CACNB1: variants seen among roughly 807,000 people sequenced by gnomAD.
The protein encoded by CACNB1 is voltage-dependent L-type calcium channel subunit beta-1.
Under a neutral mutation model 71.6 loss-of-function variants are expected in CACNB1, and 29 were observed. That is an observed-to-expected ratio of 0.40 (90% CI 0.30 to 0.55). The LOEUF (loss-of-function observed/expected upper bound fraction) is 0.55. Ranked by LOEUF, CACNB1 falls within the 20% of genes least tolerant of loss-of-function variation. The pLI is 0.38. For missense variants in CACNB1, 623 were observed against 801.8 expected, an observed-to-expected ratio of 0.78 and a Z score of 2.69; for synonymous variants, 300 against 319.6, an observed-to-expected ratio of 0.94 and a Z score of 0.65.
Position 39,186,308 on chromosome 17 carries a change from G to T in CACNB1, c.628+188C>A. On this transcript the variant is annotated intron_variant, in intron 6 of 13. Transcript: ENST00000394303. This position sits in a 1 kb window ranked among gnomAD's most constrained non-coding sequence, Gnocchi z 4.1. ...AGAGATGGAGCTACCAAAGAAAAGG[G>T]AGAGGAGAGACATGACAGGCCCAGC... The T allele has an allele frequency of 1.6e-6, 1 of 634,502 alleles. No individual in the cohort carries two copies. The allele number at this position is 634,502 out of a possible 1,614,324, so 39.3% of individuals were successfully genotyped here.
chr17:39,187,150 C>T, intron 4 of CACNB1: 2 of 608,780 alleles, frequency 3.3e-6, no homozygotes, highest in South Asian at 2.0e-5. Context: ...CTGCCACCGG[C>T]CCAATGCAAT....
intron 13 of CACNB1, 70 bp downstream of exon 13, chr17:39,177,280 T>A (rs1567790457): frequency 6.2e-7 from 1 of 1,608,504 alleles, no homozygotes; most frequent in Non-Finnish European, 8.5e-7. Flanking sequence ...GGCACCACAC[T>A]GCCCCGCTGT....
intron 11 of CACNB1, among the ~76,000 whole-genome samples, chr17:39,181,214 C>T (rs2045750138): frequency 6.6e-6 from 1 of 152,134 alleles, no homozygotes; most frequent in Non-Finnish European, 1.5e-5. Context: ...GTGCCTCAGC[C>T]TCCTGAGTAG....
chr17:39,179,280 CAAAAAAAAAA>C lies in CACNB1; in HGVS notation c.1051-1211_1051-1202del, dbSNP rs35292368. Among the ~76,000 whole-genome samples the C allele has an allele frequency of 2.1e-4, 10 of 48,652 alleles. No homozygotes were observed. The East Asian group carries it at 6.1e-3, about 29-fold the overall frequency. 31.9% of individuals were successfully genotyped at this position (48,652 alleles called of 152,430 possible). A position where few individuals can be genotyped will look rare whatever the true frequency, so the allele number is the denominator to read the frequency against. The stretch of plus-strand genomic sequence containing the variant: ...TGGACAACAGAGCAAGACTCCGTCT[CAAAAAAAAAA>C]AAAAAAAAAAAAAGAGGGCCGGGTG... On this transcript the variant is annotated intron_variant, in intron 11 of 13. Coordinates refer to ENST00000394303, the MANE Select transcript of CACNB1 (RefSeq NM_000723.5).
intron 4 of CACNB1, chr17:39,187,194 C>A: frequency 1.7e-6 from 1 of 601,438 alleles, no homozygotes; most frequent in Admixed American, 3.0e-5. Flanking sequence ...GCCCACCCTA[C>A]TCTACAAAGG....
chr17:39,186,564 C>T lies in CACNB1; in HGVS notation c.560G>A (p.Gly187Asp). ...RQNRLGSSKS[G>D]DNSSSSLGDV... is the part of the protein sequence containing the mutation. ...TCCCAGACTGGAACTGGAGTTATCGCCTGATTTGCTGTGTGGGCAGAGGCA... is the reference window on the plus strand; with the variant it reads ...TCCCAGACTGGAACTGGAGTTATCGTCTGATTTGCTGTGTGGGCAGAGGCA... Residue 187 changes from glycine (G) to aspartate (D), a missense_variant, in exon 6 of 14, where the codon GGC becomes GAC. Coordinates refer to ENST00000394303, the MANE Select transcript of CACNB1 (RefSeq NM_000723.5). This position sits in a 1 kb window ranked among gnomAD's most constrained non-coding sequence, Gnocchi z 4.1. 6.2e-7 allele frequency: 1 copy of T among 1,613,598 alleles called. No individual in the cohort carries two copies. Among genetic ancestry groups the T allele is most frequent in the Non-Finnish European group, 8.5e-7 (1 of 1,179,720 alleles).
At chr17:39,187,398 G>A in intron 4 of CACNB1, 81 bp downstream of exon 4, 1 of 1,537,944 alleles carries the variant, frequency 6.5e-7, no homozygotes, top group Non-Finnish European at 9.0e-7. Flanking sequence ...GCTCTGCTTG[G>A]CTCAGAAGCC....
chr17:39,193,089 A>C (rs745892826), intron 2 of CACNB1: 6 of 192,346 alleles, frequency 3.1e-5, no homozygotes, highest in African/African-American at 4.8e-5. Context: ...CCCCAACACA[A>C]ATGCAGGCAT....
chr17:39,193,063 C>T (rs1454875132), intron 2 of CACNB1: 2 of 185,782 alleles, frequency 1.1e-5, no homozygotes, highest in Non-Finnish European at 2.3e-5. Context: ...TGCGCGTGCA[C>T]ACACACACTC....
Position 39,175,525 on chromosome 17 carries a change from C to T in CACNB1, c.1465G>A (p.Gly489Ser), listed in dbSNP as rs751684389. The T allele has an allele frequency of 1.2e-6, 2 of 1,613,898 alleles. No homozygotes were observed. The highest frequency in any genetic ancestry group is 2.2e-5 in the South Asian group (2 of 91,080). ...TGGCGGGACAGTGCCCGTAGCGTGC[C>T]TGCCCGGCCTGGTGGGTGGCTGCTG... ...YPSSHPPGRA[G>S]TLRALSRQDT... The change falls in exon 14 of 14, where the codon GGC becomes AGC. Residue 489 changes from glycine to serine, a missense_variant. By Grantham distance (56) the Gly-to-Ser change is moderately conservative (BLOSUM62 0). Transcript: ENST00000394303. This position sits in a 1 kb window ranked among gnomAD's most constrained non-coding sequence, Gnocchi z 4.7.
intron 11 of CACNB1, among the ~76,000 whole-genome samples, chr17:39,178,703 G>A (rs1019953202): frequency 1.3e-4 from 20 of 151,820 alleles, no homozygotes; most frequent in South Asian, 6.2e-4. Context: ...TATTAACAAC[G>A]GCAACAACAA....
At position 39,175,555 on chromosome 17, in the gene CACNB1, A is replaced by G. The variant is rs1349363795; in HGVS notation, c.1435T>C (p.Tyr479His). 5 of 1,613,300 alleles carry G rather than the reference A, an allele frequency of 3.1e-6. No individual in the cohort carries two copies. The highest frequency in any genetic ancestry group is 4.2e-6 in the Non-Finnish European group (5 of 1,179,834). Residue 479 changes from tyrosine to histidine, a missense_variant, in exon 14 of 14, where the codon TAC (tyrosine) becomes CAC (histidine). Physicochemically the swap from Tyr to His is moderately conservative, Grantham distance 83. Transcript: ENST00000394303. The surrounding 1 kb of genome is among the most constrained non-coding windows in gnomAD (Gnocchi z 4.7). ...PGELGQPPGL[Y>H]PSSHPPGRAG... ...CGGCCTGGTGGGTGGCTGCTGGGGTAAAGGCCTGGGGGCTGGCCCAGCTCC... is the reference window on the plus strand; with the variant it reads ...CGGCCTGGTGGGTGGCTGCTGGGGTGAAGGCCTGGGGGCTGGCCCAGCTCC...
At position 39,174,821 on chromosome 17, in the gene CACNB1, G is replaced by T; in HGVS notation, c.*372C>A. The T allele has an allele frequency of 5.2e-6, 1 of 191,582 alleles. No individual in the cohort carries two copies. 11.9% of individuals were successfully genotyped at this position (191,582 alleles called of 1,614,324 possible). ...CGCCCAGCCCTTCCCCAGTACTGCA[G>T]CTTGGGAGAAGGAGAGCCATCCCAC... On this transcript the variant is annotated 3_prime_UTR_variant, in exon 14 of 14. Transcript: ENST00000394303.
chr17:39,175,319 T>C lies in CACNB1; in HGVS notation c.1671A>G (p.Glu557=), dbSNP rs773848172. The C allele has an allele frequency of 3.1e-6, 5 of 1,614,154 alleles. No individual in the cohort carries two copies. The Admixed American group carries it at 8.3e-5, about 27-fold the overall frequency. Residue 557 remains glutamate (E), a synonymous_variant, in exon 14 of 14, where the codon GAA becomes GAG. Transcript: ENST00000394303. This position sits in a 1 kb window ranked among gnomAD's most constrained non-coding sequence, Gnocchi z 4.7. ...CCCGGTTCCGGTTGTCGGTCAGCTC[T>C]TCCTCATAGTCTTCTTCCTCGTCCT... The part of the protein sequence containing the change: ...SWEDEEEDYE[E]ELTDNRNRGR...
rs1353696301 is a variant in CACNB1, at chr17:39,185,169, AAGAGAGGGAAGGGGGAGG to A, written c.629-37_629-20del. ...TGTTTGGCTGGGTCCAGAGATTGCC[AAGAGAGGGAAGGGGGAGG>A]AGAGAGGGAAGGGGACCCAGGCAGG... On this transcript the variant is annotated intron_variant, in intron 6 of 13. Coordinates refer to ENST00000394303, the MANE Select transcript of CACNB1 (RefSeq NM_000723.5). 1.2e-6 allele frequency: 2 copies of A among 1,611,930 alleles called. No homozygotes were observed. The highest frequency in any genetic ancestry group is 1.7e-6 in the Non-Finnish European group (2 of 1,178,098).
At chr17:39,184,457 G>A (rs1038917189) in intron 8 of CACNB1, 74 bp from the exon 9 acceptor site, 14 of 861,210 alleles carry the variant, frequency 1.6e-5, no homozygotes, top group Non-Finnish European at 2.7e-5. Context: ...CTGAGTCGCT[G>A]GGTATTTGTA....
chr17:39,186,307 G>T lies in CACNB1; in HGVS notation c.628+189C>A. On this transcript the variant is annotated intron_variant, in intron 6 of 13. Transcript: ENST00000394303. The surrounding 1 kb of genome is among the most constrained non-coding windows in gnomAD (Gnocchi z 4.1). ...GAGAGATGGAGCTACCAAAGAAAAG[G>T]GAGAGGAGAGACATGACAGGCCCAG... 1 of 634,258 alleles carries T rather than the reference G, an allele frequency of 1.6e-6. No individual in the cohort carries two copies. Among genetic ancestry groups the T allele is most frequent in the Non-Finnish European group, 2.8e-6 (1 of 361,418 alleles). The allele number at this position is 634,258 out of a possible 1,614,324, so 39.3% of individuals were successfully genotyped here. A position where few individuals can be genotyped will look rare whatever the true frequency, so the allele number is the denominator to read the frequency against.
chr17:39,176,296 T>C (rs1335228359), intron 13 of CACNB1, among the ~76,000 whole-genome samples: 2 of 152,136 alleles, frequency 1.3e-5, no homozygotes, highest in Admixed American at 6.5e-5. Context: ...AGTGTCCTTA[T>C]CATCAAATGT....
chr17:39,178,615 T>C (rs949824096), intron 11 of CACNB1, among the ~76,000 whole-genome samples: 1 of 152,062 alleles, frequency 6.6e-6, no homozygotes, highest in East Asian at 1.9e-4. Context: ...ACTCCTGGCC[T>C]CAAGTGATCC....
Sources: allele counts gnomAD v4.1 joint callset (sites outside exome capture counted in the v4.1 genomes callset), GRCh38; gene constraint gnomAD v4.1.1; non-coding constraint Gnocchi (gnomAD v3.1); transcripts MANE v1.5; gene names NCBI Gene and HGNC (gene_info 2026-07-23, HGNC 2026-07-21).